Variants in SH2D3C observed in about 807,000 individuals in gnomAD.
The protein encoded by SH2D3C is SH2 domain containing 3C.
Under a neutral mutation model 75.2 loss-of-function variants are expected in SH2D3C, and 25 were observed. That is an observed-to-expected ratio of 0.33 (90% CI 0.24 to 0.46). SH2D3C has a LOEUF of 0.46. Ranked by LOEUF, SH2D3C falls within the 20% of genes least tolerant of loss-of-function variation. The pLI is 1.00. For missense variants in SH2D3C, 933 were observed against 1,165.3 expected, an observed-to-expected ratio of 0.80 and a Z score of 2.90; for synonymous variants, 450 against 473.7, an observed-to-expected ratio of 0.95 and a Z score of 0.65.
intron 7 of SH2D3C, 44 bp from the exon 8 acceptor site, chr9:127,743,008 G>C: frequency 6.8e-7 from 1 of 1,475,238 alleles, no homozygotes; most frequent in Non-Finnish European, 9.4e-7. Context: ...TGTCAGGGCT[G>C]GCCCCAGCCA....
At chr9:127,760,024 C>T (rs146427619) in intron 3 of SH2D3C, among the ~76,000 whole-genome samples, 2,444 of 151,088 alleles carry the variant, frequency 0.016, 34 homozygotes, top group Middle Eastern at 0.027. Context: ...TTAGCAGTGG[C>T]ACACACATGT....
intron 3 of SH2D3C, among the ~76,000 whole-genome samples, chr9:127,758,437 C>A (rs1845449222): frequency 6.6e-6 from 1 of 151,952 alleles, no homozygotes. Flanking sequence ...AATATAAAGC[C>A]AACATTCCTC....
chr9:127,749,508 A>C lies in SH2D3C; in HGVS notation c.842T>G (p.Ile281Ser). ...VVKAGESYTHIQYLFEQESFD... is the reference protein window; with the variant it reads ...VVKAGESYTHSQYLFEQESFD... ...GCTCTCCTGCTCAAACAGGTACTGGATGTGTGTGTAGCTCTCGCCTGCCTT... is the reference window on the plus strand; with the variant it reads ...GCTCTCCTGCTCAAACAGGTACTGGCTGTGTGTGTAGCTCTCGCCTGCCTT... Residue 281 changes from isoleucine (I) to serine (S), a missense_variant, in exon 5 of 12, where the codon ATC (isoleucine) becomes AGC (serine). Transcript: ENST00000314830. The surrounding 1 kb of genome is among the most constrained non-coding windows in gnomAD (Gnocchi z 5.9). The C allele has an allele frequency of 6.2e-7, 1 of 1,614,178 alleles. No homozygotes were observed. Among genetic ancestry groups the C allele is most frequent in the Non-Finnish European group, 8.5e-7 (1 of 1,180,028 alleles).
chr9:127,770,063 T>C (rs925192844), intron 2 of SH2D3C, among the ~76,000 whole-genome samples: 1 of 152,060 alleles, frequency 6.6e-6, no homozygotes, highest in African/African-American at 2.4e-5. Flanking sequence ...GTAGGATGGA[T>C]TGAGGAGGGA....
intron 3 of SH2D3C, among the ~76,000 whole-genome samples, chr9:127,755,579 C>T (rs1310464272): frequency 9.2e-5 from 14 of 152,164 alleles, no homozygotes; most frequent in Non-Finnish European, 1.5e-5. Context: ...CGGGCAGAGA[C>T]TTTGAATTAA....
chr9:127,758,040 C>T (rs1035793654), intron 3 of SH2D3C, among the ~76,000 whole-genome samples: 14 of 151,928 alleles, frequency 9.2e-5, no homozygotes, highest in African/African-American at 2.7e-4. Context: ...GTGATTTGCC[C>T]GCCTTGGCCT....
In SH2D3C at chr9:127,751,655, G is replaced by T. The variant is rs966766248; in HGVS notation, c.556-355C>A. Among the ~76,000 whole-genome samples, 4 of 152,212 alleles carry T rather than the reference G, an allele frequency of 2.6e-5. No homozygotes were observed. In the South Asian group the frequency reaches 6.2e-4, roughly 24 times the overall value. ...CAGCGCTGGACAGCGGCAAAGAGCC[G>T]GGTGGCTTTTACAAGCGGGATTAAG... On this transcript the variant is annotated intron_variant, in intron 3 of 11. Transcript: ENST00000314830. The surrounding 1 kb of genome is among the most constrained non-coding windows in gnomAD (Gnocchi z 4.1).
In SH2D3C at chr9:127,766,896, C is replaced by T. The variant is rs764625475; in HGVS notation, c.516-5246G>A. On this transcript the variant is annotated intron_variant, in intron 2 of 11. Coordinates refer to ENST00000314830, the MANE Select transcript of SH2D3C (RefSeq NM_170600.3). ...TTTCCTTCCTTCACGCCCATCTTCA[C>T]TCACCCACCGCAGAGAAGCAACGGG... The T allele has an allele frequency of 4.2e-5, 64 of 1,520,044 alleles. No individual in the cohort carries two copies. The South Asian group carries it at 7.7e-4, about 18-fold the overall frequency. 94.2% of individuals were successfully genotyped at this position (1,520,044 alleles called of 1,614,324 possible).
Position 127,751,806 on chromosome 9 carries a change from T to A in SH2D3C, c.556-506A>T, listed in dbSNP as rs1463829736. On this transcript the variant is annotated intron_variant, in intron 3 of 11. Transcript: ENST00000314830. This position sits in a 1 kb window ranked among gnomAD's most constrained non-coding sequence, Gnocchi z 4.1. ...GGAGGGGGATTTCTACAGGTGAATCTTGGAGGTAAGGCAGCAGGTAACTGC... is the reference window on the plus strand; with the variant it reads ...GGAGGGGGATTTCTACAGGTGAATCATGGAGGTAAGGCAGCAGGTAACTGC... Among the ~76,000 whole-genome samples the A allele has an allele frequency of 6.6e-6, 1 of 152,156 alleles. No homozygotes were observed. The highest frequency in any genetic ancestry group is 2.4e-5 in the African/African-American group (1 of 41,424).
intron 3 of SH2D3C, chr9:127,755,432 G>A (rs1941023618): frequency 3.8e-6 from 1 of 261,404 alleles, no homozygotes. Context: ...CGCTCGGGCT[G>A]CCTGGAGCTG....
At chr9:127,758,777 A>G (rs1010287100) in intron 3 of SH2D3C, among the ~76,000 whole-genome samples, 5 of 152,112 alleles carry the variant, frequency 3.3e-5, no homozygotes, top group Non-Finnish European at 7.4e-5. Context: ...CCTGGCTCCA[A>G]TGCTTCCTCC....
chr9:127,772,968 G>T (rs1038761947), intron 2 of SH2D3C, among the ~76,000 whole-genome samples: 1 of 151,912 alleles, frequency 6.6e-6, no homozygotes, highest in Non-Finnish European at 1.5e-5. Flanking sequence ...TGAGTAACTG[G>T]GACTACAGGC....
chr9:127,751,024 G>C lies in SH2D3C; in HGVS notation c.684+148C>G. 1.4e-6 allele frequency: 1 copy of C among 709,544 alleles called. No individual in the cohort carries two copies. Among genetic ancestry groups the C allele is most frequent in the Admixed American group, 2.8e-5 (1 of 36,086 alleles). 44.0% of individuals were successfully genotyped at this position (709,544 alleles called of 1,614,324 possible). ...TTCAAGGTCACACAGTCAGTAAAGGGCAGAGCTAGACCTCATCCCAGTCCA... is the reference window on the plus strand; with the variant it reads ...TTCAAGGTCACACAGTCAGTAAAGGCCAGAGCTAGACCTCATCCCAGTCCA... On this transcript the variant is annotated intron_variant, in intron 4 of 11. Transcript: ENST00000314830. This position sits in a 1 kb window ranked among gnomAD's most constrained non-coding sequence, Gnocchi z 4.1.
intron 3 of SH2D3C, among the ~76,000 whole-genome samples, chr9:127,759,318 G>A (rs1845469939): frequency 6.6e-6 from 1 of 152,148 alleles, no homozygotes; most frequent in Non-Finnish European, 1.5e-5. Flanking sequence ...TGGGTTCAAG[G>A]AAGTCTCCTT....
intron 7 of SH2D3C, 51 bp from the exon 8 acceptor site, chr9:127,743,015 G>A (rs1421265945): frequency 7.1e-6 from 10 of 1,417,350 alleles, no homozygotes; most frequent in Non-Finnish European, 9.9e-6. Flanking sequence ...GCTGGCCCCA[G>A]CCATCTGGGA....
In SH2D3C at chr9:127,739,047, A is replaced by G. The variant is rs1210049854; in HGVS notation, c.2408-126T>C. 8 of 742,708 alleles carry G rather than the reference A, an allele frequency of 1.1e-5. No homozygotes were observed. The highest frequency in any genetic ancestry group is 3.1e-5 in the East Asian group (1 of 31,838). The allele number at this position is 742,708 out of a possible 1,614,324, so 46.0% of individuals were successfully genotyped here. On this transcript the variant is annotated intron_variant, in intron 11 of 11. Transcript: ENST00000314830. This position sits in a 1 kb window ranked among gnomAD's most constrained non-coding sequence, Gnocchi z 4.3. ...GCCAGGGATCCAACAAGGTTTGTGA[A>G]TCAACACGACCCTGTAGTTTAGCAT...
chr9:127,773,942 A>G, intron 2 of SH2D3C, 48 bp downstream of exon 2: 1 of 1,162,204 alleles, frequency 8.6e-7, no homozygotes, highest in Non-Finnish European at 1.2e-6. Context: ...GAAAAAGAAA[A>G]AAACAGAAGC....
At chr9:127,752,457 G>T (rs1845228213) in intron 3 of SH2D3C, among the ~76,000 whole-genome samples, 1 of 152,094 alleles carries the variant, frequency 6.6e-6, no homozygotes, top group Admixed American at 6.5e-5. Flanking sequence ...CCCAGCGCTG[G>T]CCAGAAGGCA....
chr9:127,755,264 G>A (rs1205421103), intron 3 of SH2D3C: 3 of 1,162,700 alleles, frequency 2.6e-6, no homozygotes, highest in South Asian at 4.2e-5. Context: ...GTGCCTCTCA[G>A]CGGCGCGATT....
Sources: allele counts gnomAD v4.1 joint callset (sites outside exome capture counted in the v4.1 genomes callset), GRCh38; gene constraint gnomAD v4.1.1; non-coding constraint Gnocchi (gnomAD v3.1); transcripts MANE v1.5; gene names NCBI Gene and HGNC (gene_info 2026-07-23, HGNC 2026-07-21).